MAN2B2: variants seen among roughly 807,000 people sequenced by gnomAD.
The protein encoded by MAN2B2 is mannosidase alpha class 2B member 2.
In MAN2B2, 106 loss-of-function variants were observed where a neutral mutation model predicts 117.1. That is an observed-to-expected ratio of 0.90 (90% CI 0.77 to 1.06). The LOEUF is 1.06. MAN2B2 is among the 50% of genes least tolerant of loss of function. The pLI, the probability that MAN2B2 is intolerant of heterozygous loss-of-function variation, is 0.00. For synonymous variants in MAN2B2, 544 were observed against 595.1 expected (o/e 0.91, Z 1.25); for missense variants, 1,326 against 1,381.4 (o/e 0.96, Z 0.64).
chr4:6,614,223 G>A lies in MAN2B2; in HGVS notation c.2569G>A (p.Ala857Thr), dbSNP rs1193655151. 9 of 1,614,066 alleles carry A rather than the reference G, an allele frequency of 5.6e-6. No homozygotes were observed. Among genetic ancestry groups the A allele is most frequent in the Non-Finnish European group, 7.6e-6 (9 of 1,179,948 alleles). Residue 857 changes from alanine to threonine, a missense_variant, in exon 16 of 19, where the codon GCG becomes ACG. Transcript: ENST00000285599. ...VVLFGDLAGT[A>T]PKLPGPQQQE... ...TCTGTCCATCTGCCTTGCAGGGACTGCGCCGAAGCTCCCAGGACCCCAGCA... is the reference window on the plus strand; with the variant it reads ...TCTGTCCATCTGCCTTGCAGGGACTACGCCGAAGCTCCCAGGACCCCAGCA...
Position 6,594,647 on chromosome 4 carries a change from G to C in MAN2B2, c.972G>C (p.Thr324=). ...AELGVSVQYA[T]LGDYFRALHA... is the part of the protein sequence containing the mutation. The stretch of plus-strand genomic sequence containing the variant: ...TCGGTGTCTCGGTGCAGTATGCCAC[G>C]CTGGGCGACTACTTCCGTGCCCTGC... Residue 324 remains threonine (T), a synonymous_variant, in exon 7 of 19, where the codon ACG becomes ACC. Coordinates refer to ENST00000285599, the MANE Select transcript of MAN2B2 (RefSeq NM_015274.3). The C allele has an allele frequency of 6.2e-7, 1 of 1,613,522 alleles. No homozygotes were observed. The highest frequency in any genetic ancestry group is 8.5e-7 in the Non-Finnish European group (1 of 1,180,032).
At chr4:6,615,105 G>A (rs781635932) in intron 16 of MAN2B2, among the ~76,000 whole-genome samples, 4 of 152,228 alleles carry the variant, frequency 2.6e-5, no homozygotes, top group Non-Finnish European at 5.9e-5. Flanking sequence ...TTAAGAATAC[G>A]AGGAAAAGGG....
chr4:6,582,653 A>G (rs1205554507), intron 3 of MAN2B2, among the ~76,000 whole-genome samples: 1 of 152,028 alleles, frequency 6.6e-6, no homozygotes, highest in Admixed American at 6.6e-5. Context: ...AGCAGTATTG[A>G]AAACACACTT....
chr4:6,594,848 C>A, intron 7 of MAN2B2, 116 bp downstream of exon 7: 1 of 1,128,778 alleles, frequency 8.9e-7, no homozygotes, highest in Non-Finnish European at 1.3e-6. Context: ...GGAGGGGTTC[C>A]AGGCAGGTTC....
chr4:6,611,083 C>A lies in MAN2B2; in HGVS notation c.2371-3C>A. On this transcript the variant is annotated splice_region_variant and splice_polypyrimidine_tract_variant and intron_variant, in intron 14 of 18. Transcript: ENST00000285599. ...GGGCCTCTCGGACAATGCCTTCCCGCAGGTCATGCTCCACCGGCGGCTGTG... is the reference window on the plus strand; with the variant it reads ...GGGCCTCTCGGACAATGCCTTCCCGAAGGTCATGCTCCACCGGCGGCTGTG... 1 of 1,612,478 alleles carries A rather than the reference C, an allele frequency of 6.2e-7. No homozygotes were observed. Among genetic ancestry groups the A allele is most frequent in the Non-Finnish European group, 8.5e-7 (1 of 1,178,848 alleles).
rs1190509252 is a variant in MAN2B2 at position 6,621,487 on chromosome 4, TC to T, written c.*209del. The T allele has an allele frequency of 2.2e-5, 12 of 540,576 alleles. No homozygotes were observed. The highest frequency in any genetic ancestry group is 1.2e-4 in the South Asian group (5 of 41,888). The allele number at this position is 540,576 out of a possible 1,614,324, so 33.5% of individuals were successfully genotyped here. On this transcript the variant is annotated 3_prime_UTR_variant, in exon 19 of 19. Transcript: ENST00000285599. Reference sequence around the variant, plus strand: ...AATTACATTACAAGATCCAGGTTCTTCCCCCCCACACTCAATCAAGCCAGCC... The same window carrying T: ...AATTACATTACAAGATCCAGGTTCTTCCCCCCACACTCAATCAAGCCAGCC...
intron 16 of MAN2B2, among the ~76,000 whole-genome samples, chr4:6,615,230 TATAAAA>T (rs1202121555): frequency 2.6e-5 from 4 of 151,986 alleles, no homozygotes; most frequent in Admixed American, 1.3e-4. Flanking sequence ...ATCCTGTGTC[TATAAAA>T]ATAAAAATAG....
At chr4:6,584,066 C>G (rs926500712) in intron 3 of MAN2B2, among the ~76,000 whole-genome samples, 2 of 152,192 alleles carry the variant, frequency 1.3e-5, no homozygotes, top group African/African-American at 2.4e-5. Flanking sequence ...AGGTGTGGAC[C>G]ATCAGGAAAT....
intron 16 of MAN2B2, among the ~76,000 whole-genome samples, chr4:6,616,163 G>C (rs1711863360): frequency 6.6e-6 from 1 of 152,072 alleles, no homozygotes; most frequent in African/African-American, 2.4e-5. Flanking sequence ...GATTTAGTCA[G>C]CTTTGAGGCA....
chr4:6,579,346 C>T (rs1477215004), intron 3 of MAN2B2, among the ~76,000 whole-genome samples: 7 of 75,742 alleles, frequency 9.2e-5, no homozygotes, highest in Non-Finnish European at 1.5e-4. Flanking sequence ...ACCACCATCA[C>T]CATCACCACC....
At position 6,579,624 on chromosome 4, in the gene MAN2B2, CATT is replaced by C. The variant is rs532445833; in HGVS notation, c.391+1128_391+1130del. Among the ~76,000 whole-genome samples the C allele has an allele frequency of 3.9e-3, 590 of 151,456 alleles. 3 individuals carry two copies. Among genetic ancestry groups the C allele is most frequent in the African/African-American group, 0.013 (551 of 41,008 alleles). The stretch of plus-strand genomic sequence containing the variant: ...CCATCATCTTCACCACTACAATGAC[CATT>C]ACTACCACTACCATCACCACCACCC... On this transcript the variant is annotated intron_variant, in intron 3 of 18. Transcript: ENST00000285599.
At chr4:6,601,333 G>A (rs552614098) in intron 10 of MAN2B2, among the ~76,000 whole-genome samples, 26 of 152,222 alleles carry the variant, frequency 1.7e-4, no homozygotes, top group African/African-American at 4.3e-4. Context: ...GGGAAACCTC[G>A]TCTCTAACTA....
chr4:6,582,430 G>A (rs531753768), intron 3 of MAN2B2, among the ~76,000 whole-genome samples: 66 of 152,116 alleles, frequency 4.3e-4, no homozygotes, highest in Admixed American at 2.2e-3. Flanking sequence ...TCTCTACCTC[G>A]CAGGTTCAAG....
At chr4:6,582,967 T>A (rs1248589691) in intron 3 of MAN2B2, among the ~76,000 whole-genome samples, 1 of 152,136 alleles carries the variant, frequency 6.6e-6, no homozygotes, top group East Asian at 1.9e-4. Flanking sequence ...AAGGAAGGTG[T>A]GTTTCTCTCC....
chr4:6,575,235 C>G lies in MAN2B2; in HGVS notation c.25C>G (p.Leu9Val). 1 of 1,537,380 alleles carries G rather than the reference C, an allele frequency of 6.5e-7. No individual in the cohort carries two copies. The highest frequency in any genetic ancestry group is 8.7e-7 in the Non-Finnish European group (1 of 1,146,248). ...GATGGGGCAGCTGTGCTGGCTGCCG[C>G]TGCTGGCACCGCTCCTGTTGCTGCG... Reference protein sequence around the residue: MGQLCWLPLLAPLLLLRPP... With the variant: MGQLCWLPVLAPLLLLRPP... Residue 9 changes from leucine (L) to valine (V), a missense_variant, in exon 1 of 19, where the codon CTG becomes GTG. Coordinates refer to ENST00000285599, the MANE Select transcript of MAN2B2 (RefSeq NM_015274.3).
At chr4:6,592,714 C>A (rs1437135816) in intron 5 of MAN2B2, among the ~76,000 whole-genome samples, 1 of 152,202 alleles carries the variant, frequency 6.6e-6, no homozygotes, top group East Asian at 1.9e-4. Flanking sequence ...AAGGAAGGCA[C>A]TTAACTGGGG....
rs73796289 is a variant in MAN2B2 at position 6,596,441 on chromosome 4, G to A, written c.1058-672G>A. On this transcript the variant is annotated intron_variant, in intron 7 of 18. Coordinates refer to ENST00000285599, the MANE Select transcript of MAN2B2 (RefSeq NM_015274.3). The stretch of plus-strand genomic sequence containing the variant: ...CAAATCTGGGCACATCCCAGACGCC[G>A]AGGAGCAGGAAAGCAAAAGCAATAG... Among the ~76,000 whole-genome samples, 566 of 152,230 alleles carry A rather than the reference G, an allele frequency of 3.7e-3. 4 individuals are homozygous for A. The highest frequency in any genetic ancestry group is 0.012 in the African/African-American group (518 of 41,528).
intron 8 of MAN2B2, among the ~76,000 whole-genome samples, chr4:6,597,640 C>T (rs560062056): frequency 6.6e-6 from 1 of 152,228 alleles, no homozygotes; most frequent in Admixed American, 6.5e-5. Context: ...GATTCCCACA[C>T]CCACCCAAGA....
chr4:6,614,067 A>C (rs1711730149), intron 15 of MAN2B2, 151 bp from the exon 16 acceptor site: 4 of 937,342 alleles, frequency 4.3e-6, no homozygotes, highest in Non-Finnish European at 6.4e-6. Flanking sequence ...TGGGAGCACA[A>C]ACACTTTGGG....
Sources: allele counts gnomAD v4.1 joint callset (sites outside exome capture counted in the v4.1 genomes callset), GRCh38; gene constraint gnomAD v4.1.1; transcripts MANE v1.5; gene names NCBI Gene and HGNC (gene_info 2026-07-23, HGNC 2026-07-21).